The following PELI2 variants were observed in gnomAD, a reference collection of about 807,000 sequenced individuals.
The protein encoded by PELI2 is E3 ubiquitin-protein ligase pellino homolog 2.
Under a neutral mutation model 42.3 loss-of-function variants are expected in PELI2, and 23 were observed. That is an observed-to-expected ratio of 0.54 (90% CI 0.39 to 0.77). The LOEUF (loss-of-function observed/expected upper bound fraction) is 0.77, where lower values mean the gene tolerates loss of function less well. PELI2 is among the 30% of genes least tolerant of loss of function. PELI2 has a pLI of 0.00. For missense variants in PELI2, 463 were observed against 553.2 expected (o/e 0.84, Z 1.64); for synonymous variants, 245 against 212.2 (o/e 1.15, Z -1.34).
chr14:56,257,264 C>G (rs868518476), intron 2 of PELI2, among the ~76,000 whole-genome samples: 21 of 152,066 alleles, frequency 1.4e-4, no homozygotes, highest in African/African-American at 4.1e-4. Context: ...TGATCCTACC[C>G]CCTCAGAGCT....
Position 56,279,783 on chromosome 14 carries a change from AT to A in PELI2, c.309+11del. 2 of 1,478,312 alleles carry A rather than the reference AT, an allele frequency of 1.4e-6. No homozygotes were observed. Among genetic ancestry groups the A allele is most frequent in the Non-Finnish European group, 1.9e-6 (2 of 1,073,736 alleles). The allele number at this position is 1,478,312 out of a possible 1,614,324, so 91.6% of individuals were successfully genotyped here. On this transcript the variant is annotated splice_region_variant and intron_variant, in intron 3 of 5. Coordinates refer to ENST00000267460, the MANE Select transcript of PELI2 (RefSeq NM_021255.3). ...AGGATACGGATATGTTTCAGGTAATATTTTTCTTTTTTAATAGAAATTTTAG... is the reference window on the plus strand; with the variant it reads ...AGGATACGGATATGTTTCAGGTAATATTTTCTTTTTTAATAGAAATTTTAG...
intron 2 of PELI2, among the ~76,000 whole-genome samples, chr14:56,186,718 CTTAA>C (rs1463638798): frequency 6.6e-6 from 1 of 152,110 alleles, no homozygotes; most frequent in Non-Finnish European, 1.5e-5. Flanking sequence ...CACTCAGTAA[CTTAA>C]TTATCTGTGT....
At chr14:56,195,295 G>A (rs1886092187) in intron 2 of PELI2, among the ~76,000 whole-genome samples, 1 of 152,172 alleles carries the variant, frequency 6.6e-6, no homozygotes, top group Admixed American at 6.5e-5. Context: ...GTCATATTGT[G>A]TCTTTATGTC....
chr14:56,162,583 A>G (rs1884805221), intron 1 of PELI2, among the ~76,000 whole-genome samples: 1 of 152,210 alleles, frequency 6.6e-6, no homozygotes, highest in Non-Finnish European at 1.5e-5. Flanking sequence ...AGGAATGCAG[A>G]TATCTCTTTG....
At chr14:56,130,196 T>C (rs1182118077) in intron 1 of PELI2, among the ~76,000 whole-genome samples, 1 of 152,194 alleles carries the variant, frequency 6.6e-6, no homozygotes, top group Non-Finnish European at 1.5e-5. Flanking sequence ...CTGTCCTTTA[T>C]TGAGTGCTGA....
intron 5 of PELI2, among the ~76,000 whole-genome samples, chr14:56,294,179 G>A (rs999117539): frequency 6.6e-6 from 1 of 152,192 alleles, no homozygotes; most frequent in African/African-American, 2.4e-5. Flanking sequence ...CTTGGGAAGG[G>A]CTGATTTCTT....
Position 56,256,102 on chromosome 14 carries a change from G to C in PELI2, c.208-23574G>C, listed in dbSNP as rs185428492. ...TAACTCCTGTGTCATCGGTGCTCAT[G>C]ATGGAGTCAGTTTAGGTTAGGCAAG... On this transcript the variant is annotated intron_variant, in intron 2 of 5. Coordinates refer to ENST00000267460, the MANE Select transcript of PELI2 (RefSeq NM_021255.3). Among the ~76,000 whole-genome samples, 3 of 152,262 alleles carry C rather than the reference G, an allele frequency of 2.0e-5. No individual in the cohort carries two copies. In the East Asian group the frequency reaches 5.8e-4, roughly 29 times the overall value.
chr14:56,119,476 C>T (rs1882984236), intron 1 of PELI2, among the ~76,000 whole-genome samples: 1 of 152,156 alleles, frequency 6.6e-6, no homozygotes, highest in Non-Finnish European at 1.5e-5. Flanking sequence ...CTCGCTGATG[C>T]CCTCCCGGCT....
chr14:56,174,549 C>T (rs535302967), intron 1 of PELI2, among the ~76,000 whole-genome samples: 3 of 152,140 alleles, frequency 2.0e-5, no homozygotes, highest in East Asian at 3.9e-4. Context: ...GATTGGATGG[C>T]GGGGTGGGGG....
At chr14:56,209,310 G>A (rs969333363) in intron 2 of PELI2, among the ~76,000 whole-genome samples, 1 of 152,158 alleles carries the variant, frequency 6.6e-6, no homozygotes, top group African/African-American at 2.4e-5. Context: ...AGCAGCGTCT[G>A]CCATTTTCTG....
chr14:56,291,942 G>C (rs1889843544), intron 5 of PELI2, among the ~76,000 whole-genome samples: 1 of 152,230 alleles, frequency 6.6e-6, no homozygotes, highest in African/African-American at 2.4e-5. Context: ...ATGTTGTGGG[G>C]AGCCAGGGAT....
chr14:56,165,728 A>G (rs1411403559), intron 1 of PELI2, among the ~76,000 whole-genome samples: 1 of 152,058 alleles, frequency 6.6e-6, no homozygotes, highest in African/African-American at 2.4e-5. Context: ...CTGTCTATCT[A>G]AAGGGGCTGA....
Position 56,278,150 on chromosome 14 carries a change from C to G in PELI2, c.208-1526C>G, listed in dbSNP as rs533586157. ...AAATAAATTATTTTGTAATCAACTC[C>G]TGATTGTTAGTTTTATAAGTTTGAG... On this transcript the variant is annotated intron_variant, in intron 2 of 5. Transcript: ENST00000267460. 4.6e-5 allele frequency among the ~76,000 whole-genome samples: 7 copies of G among 152,192 alleles called. 1 individual carries two copies. The highest frequency in any genetic ancestry group is 1.7e-4 in the African/African-American group (7 of 41,528).
chr14:56,138,132 T>A (rs191511092), intron 1 of PELI2, among the ~76,000 whole-genome samples: 78 of 152,362 alleles, frequency 5.1e-4, no homozygotes, highest in Non-Finnish European at 3.7e-4. Context: ...CACTGATGCC[T>A]GCGTCTGTTA....
intron 1 of PELI2, among the ~76,000 whole-genome samples, chr14:56,163,362 T>G (rs1884836691): frequency 6.6e-6 from 1 of 152,190 alleles, no homozygotes. Context: ...TTAGTACATT[T>G]GTCAAAAATG....
chr14:56,291,851 G>C (rs1231824071), intron 5 of PELI2, among the ~76,000 whole-genome samples: 2 of 152,262 alleles, frequency 1.3e-5, no homozygotes, highest in African/African-American at 4.8e-5. Flanking sequence ...CAGTGTCACA[G>C]AGTTAGCAGG....
At chr14:56,284,735 C>T (rs1889593499) in intron 3 of PELI2, among the ~76,000 whole-genome samples, 1 of 152,196 alleles carries the variant, frequency 6.6e-6, no homozygotes, top group South Asian at 2.1e-4. Context: ...TTCAGCCTCC[C>T]TGTCATAATC....
chr14:56,277,644 GGTGACCAC>G (rs1889340655), intron 2 of PELI2, among the ~76,000 whole-genome samples: 2 of 152,058 alleles, frequency 1.3e-5, no homozygotes, highest in African/African-American at 4.8e-5. Context: ...CAAAAAGGTT[GGTGACCAC>G]TACTCTAGAG....
chr14:56,251,846 G>C (rs1888355109), intron 2 of PELI2, among the ~76,000 whole-genome samples: 1 of 152,198 alleles, frequency 6.6e-6, no homozygotes, highest in Admixed American at 6.5e-5. Flanking sequence ...ATCAAGAGTA[G>C]TCACTTGGGA....
Sources: gnomAD v4.1 joint callset for allele counts (sites outside exome capture counted in the v4.1 genomes callset) on GRCh38, gnomAD v4.1.1 for gene constraint, MANE v1.5 for transcripts, NCBI Gene and HGNC (gene_info 2026-07-23, HGNC 2026-07-21) for gene names.